SARM1: variants seen among roughly 807,000 people sequenced by gnomAD.
SARM1 encodes the protein NAD(+) hydrolase SARM1.
SARM1 carries 60 observed loss-of-function variants against 65.1 expected under a neutral mutation model. That is an observed-to-expected ratio of 0.92 (90% CI 0.75 to 1.14). The LOEUF is 1.14. SARM1 is among the 50% of genes most tolerant of loss of function. The probability of loss-of-function intolerance (pLI) is 0.00; values close to 1 mark genes in which losing one functional copy is unlikely to be tolerated. For missense variants in SARM1, 913 were observed against 1,015.7 expected, an observed-to-expected ratio of 0.90 and a Z score of 1.37; for synonymous variants, 417 against 465.4, an observed-to-expected ratio of 0.90 and a Z score of 1.34.
chr17:28,372,666 CTG>C lies in SARM1; in HGVS notation c.470+165_470+166del, dbSNP rs1555584245. On this transcript the variant is annotated intron_variant, in intron 1 of 8. Transcript: ENST00000585482. The surrounding 1 kb of genome is among the most constrained non-coding windows in gnomAD (Gnocchi z 5.2). ...CCTGTCTGTTTCACAGATAAGGAAA[CTG>C]AGCCTTGGGAAAGTTTAGTGACTTG... 6.6e-6 allele frequency among the ~76,000 whole-genome samples: 1 copy of C among 152,238 alleles called. No individual in the cohort carries two copies. The highest frequency in any genetic ancestry group is 2.4e-5 in the African/African-American group (1 of 41,468).
intron 1 of SARM1, among the ~76,000 whole-genome samples, chr17:28,376,104 C>T (rs2067988074): frequency 6.6e-6 from 1 of 152,156 alleles, no homozygotes; most frequent in Admixed American, 6.5e-5. Context: ...GTAGTTATCA[C>T]AAGAGTGCAG....
chr17:28,385,254 C>T lies in SARM1; in HGVS notation c.1609C>T (p.Arg537Cys). 1 of 1,565,188 alleles carries T rather than the reference C, an allele frequency of 6.4e-7. No individual in the cohort carries two copies. Among genetic ancestry groups the T allele is most frequent in the Non-Finnish European group, 8.6e-7 (1 of 1,161,926 alleles). ...CATCCACCTGGGCGTGCACCGCGCC[C>T]GCATCCTCACGGCGGCCAGAGGTCA... is the stretch of plus-strand genomic sequence containing the variant. ...CGIHLGVHRARILTAAREMLH... is the reference protein window; with the variant it reads ...CGIHLGVHRACILTAAREMLH... The change falls in exon 5 of 9, where the codon CGC becomes TGC. Residue 537 changes from arginine to cysteine, a missense_variant. Arg to Cys is a radical substitution (Grantham distance 180, BLOSUM62 -3). Around this residue, in one of 3 missense-constraint regions of SARM1, gnomAD observed 862 missense variants for 952.1 expected, o/e 0.91. Coordinates refer to ENST00000585482, the MANE Select transcript of SARM1 (RefSeq NM_015077.4). This position sits in a 1 kb window ranked among gnomAD's most constrained non-coding sequence, Gnocchi z 4.5.
intron 7 of SARM1, among the ~76,000 whole-genome samples, chr17:28,392,280 T>TTA (rs147295727): frequency 0.031 from 4,622 of 151,316 alleles, 99 homozygotes; most frequent in Middle Eastern, 0.15. Context: ...TCCAGCTAAT[T>TTA]TATATATATA....
In SARM1 at chr17:28,372,606, C is replaced by T; in HGVS notation, c.470+104C>T. On this transcript the variant is annotated intron_variant, in intron 1 of 8. Transcript: ENST00000585482. The surrounding 1 kb of genome is among the most constrained non-coding windows in gnomAD (Gnocchi z 5.2). ...CCGTGCCTTTGCCTCCCTCACCTCT[C>T]TGACTGCCTGCACTACATCTCTGTT... 1 of 807,684 alleles carries T rather than the reference C, an allele frequency of 1.2e-6. No individual in the cohort carries two copies. Among genetic ancestry groups the T allele is most frequent in the Non-Finnish European group, 1.9e-6 (1 of 536,142 alleles). 50.0% of individuals were successfully genotyped at this position (807,684 alleles called of 1,614,324 possible).
At position 28,402,135 on chromosome 17, in the gene SARM1, GA is replaced by G. The variant is rs1377464551; in HGVS notation, c.*5850del. ...TTGGCCACTTACTTCTCCAGGGTGA[GA>G]GGGGGGAAGGCAAGCTGTTCCCCCA... is the stretch of plus-strand genomic sequence containing the variant. On this transcript the variant is annotated 3_prime_UTR_variant, in exon 9 of 9. Transcript: ENST00000585482. 8 of 973,292 alleles carry G rather than the reference GA, an allele frequency of 8.2e-6. No individual in the cohort carries two copies. Among genetic ancestry groups the G allele is most frequent in the African/African-American group, 6.5e-5 (4 of 61,606 alleles). 60.3% of individuals were successfully genotyped at this position (973,292 alleles called of 1,614,324 possible). A position where few individuals can be genotyped will look rare whatever the true frequency, so the allele number is the denominator to read the frequency against.
chr17:28,378,853 T>C (rs185130933), intron 1 of SARM1, among the ~76,000 whole-genome samples: 29 of 152,264 alleles, frequency 1.9e-4, no homozygotes, highest in Admixed American at 1.8e-3. Flanking sequence ...GACAGGGTTT[T>C]GCTATGTTGC....
At chr17:28,381,941 A>G in intron 2 of SARM1, 120 bp downstream of exon 2, 1 of 1,235,160 alleles carries the variant, frequency 8.1e-7, no homozygotes, top group Non-Finnish European at 1.0e-6. Flanking sequence ...GAAGCAAGAC[A>G]AAGGAGGAGC....
rs782567367 is a variant in SARM1 at position 28,381,418 on chromosome 17, C to CGCTGGGCA, written c.687_694dup (p.Asn232SerfsTer18). ...GCGCTGCTGCGCCACTGCGCGCTGG[C>CGCTGGGCA]GCTGGGCAACTGCGCGCTGCACGGG... is the stretch of plus-strand genomic sequence containing the variant. On this transcript the variant is annotated frameshift_variant, in exon 2 of 9. Coordinates refer to ENST00000585482, the MANE Select transcript of SARM1 (RefSeq NM_015077.4). LOFTEE classifies it high-confidence loss of function. The CGCTGGGCA allele has an allele frequency of 5.2e-6, 8 of 1,545,460 alleles. No individual in the cohort carries two copies. Among genetic ancestry groups the CGCTGGGCA allele is most frequent in the Non-Finnish European group, 7.0e-6 (8 of 1,145,512 alleles).
Position 28,399,645 on chromosome 17 carries a change from G to A in SARM1, c.*3359G>A, listed in dbSNP as rs782615925. On this transcript the variant is annotated 3_prime_UTR_variant, in exon 9 of 9. Transcript: ENST00000585482. The stretch of plus-strand genomic sequence containing the variant: ...TGCTCCTCTTGCCCTCTGTCTTCTG[G>A]TCCAGGCAGATCAGGGGCTCTGGGG... 1.6e-5 allele frequency: 26 copies of A among 1,613,938 alleles called. No homozygotes were observed. In the East Asian group the frequency reaches 4.9e-4, roughly 30 times the overall value.
chr17:28,400,637 A>C lies in SARM1; in HGVS notation c.*4351A>C, dbSNP rs782534694. On this transcript the variant is annotated 3_prime_UTR_variant, in exon 9 of 9. Transcript: ENST00000585482. ...AATCAGAACAGCCGGGATGAGCAGG[A>C]GGCCAGCTCCCAGGAGGAAGGGGAA... 1 of 1,613,804 alleles carries C rather than the reference A, an allele frequency of 6.2e-7. No individual in the cohort carries two copies. Among genetic ancestry groups the C allele is most frequent in the Non-Finnish European group, 8.5e-7 (1 of 1,179,810 alleles).
chr17:28,381,109 G>A, intron 1 of SARM1, 94 bp from the exon 2 acceptor site: 2 of 1,416,884 alleles, frequency 1.4e-6, no homozygotes, highest in Non-Finnish European at 1.9e-6. Context: ...GGCCGGTGAG[G>A]CCCAGAGAGG....
At position 28,388,871 on chromosome 17, in the gene SARM1, C is replaced by T. The variant is rs148891188; in HGVS notation, c.1923+332C>T. ...CTGCAAGCTCCACCTCCCGGGTTCA[C>T]ACCATTCTCCTCCCTCAGCCTCCCG... On this transcript the variant is annotated intron_variant, in intron 7 of 8. Coordinates refer to ENST00000585482, the MANE Select transcript of SARM1 (RefSeq NM_015077.4). 2.1e-3 allele frequency among the ~76,000 whole-genome samples: 323 copies of T among 151,448 alleles called. 4 individuals are homozygous for T. Among genetic ancestry groups the T allele is most frequent in the African/African-American group, 7.3e-3 (302 of 41,234 alleles).
Position 28,399,674 on chromosome 17 carries a change from C to A in SARM1, c.*3388C>A. The A allele has an allele frequency of 6.2e-7, 1 of 1,614,004 alleles. No individual in the cohort carries two copies. Among genetic ancestry groups the A allele is most frequent in the Non-Finnish European group, 8.5e-7 (1 of 1,179,888 alleles). ...AGGCAGATCAGGGGCTCTGGGGAAA[C>A]TGCTGGAACTCGAGGTGAGGATCAG... is the stretch of plus-strand genomic sequence containing the variant. On this transcript the variant is annotated 3_prime_UTR_variant, in exon 9 of 9. Coordinates refer to ENST00000585482, the MANE Select transcript of SARM1 (RefSeq NM_015077.4).
rs1032198091 is a variant in SARM1 at position 28,372,119 on chromosome 17, G to A, written c.87G>A (p.Ala29=). The A allele has an allele frequency of 6.8e-7, 1 of 1,471,082 alleles. No individual in the cohort carries two copies. The highest frequency in any genetic ancestry group is 8.9e-7 in the Non-Finnish European group (1 of 1,118,002). The allele number at this position is 1,471,082 out of a possible 1,614,324, so 91.1% of individuals were successfully genotyped here. A position where few individuals can be genotyped will look rare whatever the true frequency, so the allele number is the denominator to read the frequency against. The change falls in exon 1 of 9, where the codon GCG becomes GCA. Residue 29 remains alanine (A), a synonymous_variant. Transcript: ENST00000585482. This position sits in a 1 kb window ranked among gnomAD's most constrained non-coding sequence, Gnocchi z 5.2. ...CACGGCCGGGCGCCGAGCGGCTGGCGGTGCCTGGGCCAGATGGGGGCGGTG... is the reference window on the plus strand; with the variant it reads ...CACGGCCGGGCGCCGAGCGGCTGGCAGTGCCTGGGCCAGATGGGGGCGGTG... ...SGPRPGAERL[A]VPGPDGGGGT...
chr17:28,384,788 G>A lies in SARM1; in HGVS notation c.1303-51G>A, dbSNP rs1239649089. On this transcript the variant is annotated intron_variant, in intron 3 of 8. Coordinates refer to ENST00000585482, the MANE Select transcript of SARM1 (RefSeq NM_015077.4). The surrounding 1 kb of genome is among the most constrained non-coding windows in gnomAD (Gnocchi z 4.4). ...CCTTCCCTTGCATCTTGTGCTCGAG[G>A]TCCAAGGGCGGAGTAGCGAAGCCCT... is the stretch of plus-strand genomic sequence containing the variant. 20 of 1,494,830 alleles carry A rather than the reference G, an allele frequency of 1.3e-5. No homozygotes were observed. The highest frequency in any genetic ancestry group is 1.7e-4 in the Middle Eastern group (1 of 5,868). The allele number at this position is 1,494,830 out of a possible 1,614,324, so 92.6% of individuals were successfully genotyped here.
chr17:28,387,424 A>G (rs1362959770), intron 5 of SARM1, among the ~76,000 whole-genome samples: 1 of 152,002 alleles, frequency 6.6e-6, no homozygotes, highest in Non-Finnish European at 1.5e-5. Flanking sequence ...GGGTTTCACC[A>G]TATTGGCCAG....
chr17:28,388,777 T>G (rs1480989790), intron 7 of SARM1, among the ~76,000 whole-genome samples: 3 of 150,858 alleles, frequency 2.0e-5, no homozygotes, highest in Non-Finnish European at 4.4e-5. Flanking sequence ...TTTTTTTTTT[T>G]TTTTTGTTTT....
Position 28,396,043 on chromosome 17 carries a change from TGGGAC to T in SARM1, c.2045+18_2045+22del. 1.9e-6 allele frequency: 3 copies of T among 1,613,820 alleles called. No individual in the cohort carries two copies. Among genetic ancestry groups the T allele is most frequent in the Non-Finnish European group, 2.5e-6 (3 of 1,179,812 alleles). On this transcript the variant is annotated intron_variant, in intron 8 of 8. Coordinates refer to ENST00000585482, the MANE Select transcript of SARM1 (RefSeq NM_015077.4). The stretch of plus-strand genomic sequence containing the variant: ...CGGTATCAAGTGAGCCCCAGGGCCC[TGGGAC>T]CAGGGGGGTAGGGTACAAATCACCA...
At chr17:28,379,416 G>T (rs59046213) in intron 1 of SARM1, among the ~76,000 whole-genome samples, 17,993 of 143,818 alleles carry the variant, frequency 0.13, 1,276 homozygotes, top group East Asian at 0.25. Context: ...GTTCACACCA[G>T]TTTCCTGCCT....
Sources: allele counts gnomAD v4.1 joint callset (sites outside exome capture counted in the v4.1 genomes callset), GRCh38; gene constraint gnomAD v4.1.1; regional missense constraint gnomAD v4.1.1; non-coding constraint Gnocchi (gnomAD v3.1); transcripts MANE v1.5; gene names NCBI Gene and HGNC (gene_info 2026-07-23, HGNC 2026-07-21).